Variants in MED23 observed in about 807,000 individuals in gnomAD.
MED23 encodes mediator of RNA polymerase II transcription subunit 23.
A neutral mutation model predicts 163.9 loss-of-function variants in MED23; 105 were observed. That is an observed-to-expected ratio of 0.64 (90% CI 0.55 to 0.75). The LOEUF (loss-of-function observed/expected upper bound fraction) is 0.75. MED23 is among the 30% of genes least tolerant of loss of function. The pLI, the probability that MED23 is intolerant of heterozygous loss-of-function variation, is 0.00. For missense variants in MED23, 1,054 were observed against 1,649.0 expected, an observed-to-expected ratio of 0.64 and a Z score of 6.25; for synonymous variants, 561 against 565.6, an observed-to-expected ratio of 0.99 and a Z score of 0.12.
At chr6:131,576,577 A>G (rs930551837) in intron 30 of MED23, 2 of 1,294,454 alleles carry the variant, frequency 1.5e-6, no homozygotes, top group Admixed American at 1.7e-5. Context: ...TTACAGTTCA[A>G]CTGATTAAAT....
At chr6:131,583,153 T>G, downstream of MED23, 2 of 1,613,638 alleles carry the variant, frequency 1.2e-6, no homozygotes, top group Non-Finnish European at 1.7e-6. Context: ...CACTCAGCTA[T>G]CTACTAGGAA....
At chr6:131,599,618 C>T (rs1414789617) in intron 18 of MED23, among the ~76,000 whole-genome samples, 2 of 151,748 alleles carry the variant, frequency 1.3e-5, no homozygotes, top group African/African-American at 4.8e-5. Context: ...TATTTTTTTC[C>T]TCTTTCTACT....
intron 30 of MED23, among the ~76,000 whole-genome samples, chr6:131,575,002 C>A (rs190230141): frequency 2.0e-5 from 3 of 152,100 alleles, no homozygotes; most frequent in Non-Finnish European, 2.9e-5. Flanking sequence ...ATACTTGTGG[C>A]CATTTAGGGA....
At position 131,628,109 on chromosome 6, in the gene MED23, C is replaced by T; in HGVS notation, c.-60G>A. The T allele has an allele frequency of 6.3e-7, 1 of 1,597,934 alleles. No individual in the cohort carries two copies. Among genetic ancestry groups the T allele is most frequent in the African/African-American group, 1.3e-5 (1 of 74,720 alleles). On this transcript the variant is annotated 5_prime_UTR_variant, in exon 1 of 29. Coordinates refer to ENST00000368068, the MANE Select transcript of MED23 (RefSeq NM_004830.4). ...GCAAGGCCCGGATCAGACTCGAGCT[C>T]TGGGAATATAGGGGCAGAGGGGCGG...
intron 27 of MED23, 124 bp from the exon 28 acceptor site, chr6:131,589,720 A>C: frequency 1.2e-6 from 1 of 833,120 alleles, no homozygotes; most frequent in Non-Finnish European, 2.0e-6. Context: ...GAACTGTCAT[A>C]TACCATATAC....
chr6:131,626,444 T>A (rs1203772516), intron 3 of MED23, among the ~76,000 whole-genome samples: 2 of 151,888 alleles, frequency 1.3e-5, no homozygotes, highest in African/African-American at 4.8e-5. Context: ...AAGGAACAAG[T>A]AACGCTTGGA....
intron 21 of MED23, 66 bp downstream of exon 21, chr6:131,596,452 T>C (rs953075894): frequency 6.4e-7 from 1 of 1,568,830 alleles, no homozygotes; most frequent in African/African-American, 1.4e-5. Flanking sequence ...AACGGCCAAA[T>C]CACTTCATCA....
intron 4 of MED23, 143 bp downstream of exon 4, chr6:131,624,722 C>T (rs1228494350): frequency 9.0e-6 from 8 of 884,804 alleles, no homozygotes; most frequent in Non-Finnish European, 1.4e-5. Context: ...GAAACTAAAA[C>T]CTGAGGTATT....
upstream of MED23, chr6:131,628,259 G>T (rs974479087): frequency 8.4e-6 from 5 of 593,012 alleles, no homozygotes; most frequent in South Asian, 7.9e-5. Flanking sequence ...GGCCCGGTAC[G>T]CGCCGTTTGC....
rs747245486 is a variant in MED23, at chr6:131,596,080, G to T, written c.2862C>A (p.Ile954=). The change falls in exon 22 of 29, where the codon ATC becomes ATA. Residue 954 remains isoleucine, a synonymous_variant. Coordinates refer to ENST00000368068, the MANE Select transcript of MED23 (RefSeq NM_004830.4). ...PVQIQSPYLP[I]YFGNVCLRFL... ...ATCGAAGACACACATTCCCAAAATAGATGGGCAGATAGGGAGACTGGATCT... is the reference window on the plus strand; with the variant it reads ...ATCGAAGACACACATTCCCAAAATATATGGGCAGATAGGGAGACTGGATCT... 1 of 1,614,090 alleles carries T rather than the reference G, an allele frequency of 6.2e-7. No homozygotes were observed. The highest frequency in any genetic ancestry group is 8.5e-7 in the Non-Finnish European group (1 of 1,179,978).
intron 8 of MED23, among the ~76,000 whole-genome samples, chr6:131,619,206 ATTGTAT>A (rs1271721377): frequency 6.6e-6 from 1 of 152,164 alleles, no homozygotes; most frequent in African/African-American, 2.4e-5. Flanking sequence ...GTCTATTTAG[ATTGTAT>A]TTGTATTTTC....
At chr6:131,583,628 T>C, downstream of MED23, 1 of 1,521,334 alleles carries the variant, frequency 6.6e-7, no homozygotes, top group Admixed American at 1.8e-5. Context: ...AACTAAAGTG[T>C]TTTCCATCGG....
At chr6:131,615,782 G>T in intron 10 of MED23, 125 bp downstream of exon 10, 2 of 716,612 alleles carry the variant, frequency 2.8e-6, no homozygotes, top group Non-Finnish European at 5.0e-6. Flanking sequence ...AAAAAACCAT[G>T]TATATTTTTA....
intron 30 of MED23, among the ~76,000 whole-genome samples, chr6:131,579,857 TGAGA>T (rs142346886): frequency 8.8e-4 from 132 of 149,178 alleles, no homozygotes; most frequent in East Asian, 2.5e-3. Flanking sequence ...TGTGTGTGTG[TGAGA>T]GAGAGAGAGA....
chr6:131,586,889 G>A lies in MED23; in HGVS notation c.*790C>T, dbSNP rs1020684490. The A allele has an allele frequency of 1.4e-6, 2 of 1,450,742 alleles. No homozygotes were observed. The highest frequency in any genetic ancestry group is 2.5e-5 in the East Asian group (1 of 39,720). 89.9% of individuals were successfully genotyped at this position (1,450,742 alleles called of 1,614,324 possible). On this transcript the variant is annotated 3_prime_UTR_variant, in exon 29 of 29. Coordinates refer to ENST00000368068, the MANE Select transcript of MED23 (RefSeq NM_004830.4). ...CAAATATAAAATTTAAAAATTTTAAGATTATAAAAATTGAAGAATTACATC... is the reference window on the plus strand; with the variant it reads ...CAAATATAAAATTTAAAAATTTTAAAATTATAAAAATTGAAGAATTACATC...
chr6:131,608,149 G>T (rs1775995243), intron 11 of MED23, 78 bp from the exon 12 acceptor site: 1 of 1,530,076 alleles, frequency 6.5e-7, no homozygotes, highest in Non-Finnish European at 8.8e-7. Context: ...TTGTTTTTTT[G>T]TTTTTGTTTT....
intron 16 of MED23, among the ~76,000 whole-genome samples, chr6:131,602,603 G>C (rs541362681): frequency 3.9e-5 from 6 of 152,216 alleles, no homozygotes; most frequent in African/African-American, 1.4e-4. Flanking sequence ...AAGATGGCTT[G>C]TCGCCTATAG....
chr6:131,609,703 A>G (rs1359622414), intron 11 of MED23, among the ~76,000 whole-genome samples: 2 of 147,284 alleles, frequency 1.4e-5, no homozygotes, highest in East Asian at 2.0e-4. Context: ...ACATACATAT[A>G]TATATGTACT....
intron 30 of MED23, among the ~76,000 whole-genome samples, chr6:131,577,747 C>CA (rs200270063): frequency 0.011 from 1,587 of 149,410 alleles, 16 homozygotes; most frequent in Admixed American, 0.027. Flanking sequence ...AGTAAAAATA[C>CA]AAAAAAAAAT....
Sources: gnomAD v4.1 joint callset for allele counts (sites outside exome capture counted in the v4.1 genomes callset) on GRCh38, gnomAD v4.1.1 for gene constraint, MANE v1.5 for transcripts, NCBI Gene and HGNC (gene_info 2026-07-23, HGNC 2026-07-21) for gene names.